AMMECR1: variants seen among roughly 807,000 people sequenced by gnomAD.
AMMECR1 encodes AMMECR nuclear protein 1.
AMMECR1 carries 3 observed loss-of-function variants against 22.5 expected under a neutral mutation model. That is an observed-to-expected ratio of 0.13 (90% CI 0.06 to 0.35). The LOEUF (loss-of-function observed/expected upper bound fraction) is 0.35. AMMECR1 is among the 10% of genes least tolerant of loss of function. The pLI, the probability that AMMECR1 is intolerant of heterozygous loss-of-function variation, is 1.00. For missense variants in AMMECR1, 235 were observed against 278.7 expected, an observed-to-expected ratio of 0.84 and a Z score of 1.12; for synonymous variants, 130 against 116.7, an observed-to-expected ratio of 1.11 and a Z score of -0.74.
Position 110,414,272 on chromosome X carries a change from C to T in AMMECR1, c.-148+12386G>A, listed in dbSNP as rs2068661758. On this transcript the variant is annotated intron_variant, in intron 2 of 7. Transcript: ENST00000372057. ...GGGCCCTCAACTCAGCTAAACAATC[C>T]TTCTAAGTAACTGTCCTGACAATAG... Among the ~76,000 whole-genome samples the T allele has an allele frequency of 6.2e-5, 7 of 112,359 alleles. No homozygotes were observed. The Admixed American group carries it at 6.6e-4, about 11-fold the overall frequency.
At chrX:110,420,307 C>G (rs2068707808) in intron 2 of AMMECR1, among the ~76,000 whole-genome samples, 1 of 112,304 alleles carries the variant, frequency 8.9e-6, no homozygotes, top group Non-Finnish European at 1.9e-5. Context: ...TCTGGAATAG[C>G]TAACCAAGGA....
intron 2 of AMMECR1, among the ~76,000 whole-genome samples, chrX:110,323,706 A>G (rs1395231799): frequency 8.9e-6 from 1 of 112,237 alleles, no homozygotes; most frequent in Admixed American, 9.4e-5. Context: ...ATAATGTTGC[A>G]AAGAAAATTG....
At chrX:110,401,769 C>G (rs1049890287) in intron 2 of AMMECR1, among the ~76,000 whole-genome samples, 3 of 112,149 alleles carry the variant, frequency 2.7e-5, no homozygotes, top group Non-Finnish European at 5.6e-5. Flanking sequence ...AGTGAGCCTT[C>G]GTTTCCTCCC....
At chrX:110,429,723 C>T (rs1482802321) in intron 1 of AMMECR1, among the ~76,000 whole-genome samples, 1 of 111,149 alleles carries the variant, frequency 9.0e-6, no homozygotes, top group Non-Finnish European at 1.9e-5. Context: ...CTCAAGTGTT[C>T]CACCTGTCTC....
Position 110,317,852 on chromosome X carries a change from G to T in AMMECR1, c.220C>A (p.Gln74Lys), listed in dbSNP as rs1453532929. The part of the protein sequence containing the change: ...SGSGCTLSPP[Q>K]GCGGGGGGIA... ...CCCCCGCCGCCGCCGCCGCAGCCCT[G>T]GGGGGGAGAGAGGGTACAGCCGCTG... The change falls in exon 1 of 6, where the codon CAG becomes AAG. Residue 74 changes from glutamine (Q) to lysine (K), a missense_variant. Coordinates refer to ENST00000262844, the MANE Select transcript of AMMECR1 (RefSeq NM_015365.3). 21 of 1,171,161 alleles carry T rather than the reference G, an allele frequency of 1.8e-5. No individual in the cohort carries two copies. The highest frequency in any genetic ancestry group is 6.3e-5 in the East Asian group (2 of 31,777).
At chrX:110,346,071 A>C (rs1372168693) in intron 2 of AMMECR1, among the ~76,000 whole-genome samples, 1 of 112,372 alleles carries the variant, frequency 8.9e-6, no homozygotes, top group Admixed American at 9.4e-5. Context: ...CCAACATTTT[A>C]TTCTTTAAAA....
At chrX:110,220,910 A>T (rs1435558507) in intron 2 of AMMECR1, among the ~76,000 whole-genome samples, 1 of 112,639 alleles carries the variant, frequency 8.9e-6, no homozygotes, top group Non-Finnish European at 1.9e-5. Context: ...AAGAAAAAAA[A>T]GTCGCTGAAA....
intron 1 of AMMECR1, among the ~76,000 whole-genome samples, chrX:110,301,400 G>A (rs2067966304): frequency 2.7e-5 from 3 of 112,505 alleles, no homozygotes; most frequent in South Asian, 3.6e-4. Flanking sequence ...ACCTCAGGCA[G>A]ATACAGTGCT....
chrX:110,374,515 A>G (rs1287914048), intron 2 of AMMECR1, among the ~76,000 whole-genome samples: 2 of 111,703 alleles, frequency 1.8e-5, no homozygotes, highest in Non-Finnish European at 3.8e-5. Context: ...CATAAGACCA[A>G]TTAAAATCCC....
chrX:110,405,157 G>A (rs910553208), intron 2 of AMMECR1, among the ~76,000 whole-genome samples: 1 of 105,982 alleles, frequency 9.4e-6, no homozygotes, highest in Admixed American at 1.1e-4. Flanking sequence ...TCTAAGAGGT[G>A]CTGTTGGGAT....
chrX:110,352,933 A>T (rs891624947), intron 2 of AMMECR1, among the ~76,000 whole-genome samples: 94 of 112,512 alleles, frequency 8.4e-4, no homozygotes, highest in African/African-American at 2.8e-3. Flanking sequence ...GCCACCATGA[A>T]GCTTACATTC....
At chrX:110,281,623 C>T (rs1045613124) in intron 1 of AMMECR1, among the ~76,000 whole-genome samples, 1 of 111,830 alleles carries the variant, frequency 8.9e-6, no homozygotes, top group South Asian at 3.7e-4. Flanking sequence ...CACAACCATA[C>T]AAGAAAGCAA....
intron 2 of AMMECR1, among the ~76,000 whole-genome samples, chrX:110,328,631 G>A (rs1246721231): frequency 4.8e-5 from 5 of 104,006 alleles, no homozygotes; most frequent in African/African-American, 1.8e-4. Flanking sequence ...CCCACCCCCT[G>A]ACAGGCCCCA....
rs537182699 is a variant in AMMECR1, at chrX:110,218,681, A to G, written c.585-2049T>C. Among the ~76,000 whole-genome samples the G allele has an allele frequency of 3.3e-4, 37 of 111,234 alleles. 1 individual carries two copies. The highest frequency in any genetic ancestry group is 1.0e-3 in the African/African-American group (32 of 30,742). ...CACATACCACAAAATTCACCCTTTT[A>G]AAGTATATAATTCAATGGCTTTTAG... On this transcript the variant is annotated intron_variant, in intron 2 of 5. Transcript: ENST00000262844.
At chrX:110,312,089 T>C (rs1364861166) in intron 1 of AMMECR1, among the ~76,000 whole-genome samples, 1 of 112,706 alleles carries the variant, frequency 8.9e-6, no homozygotes, top group African/African-American at 3.2e-5. Context: ...GAGCCAAGCA[T>C]GTGTGACATC....
At chrX:110,435,704 C>A (rs1276627205) in intron 1 of AMMECR1, among the ~76,000 whole-genome samples, 1 of 111,929 alleles carries the variant, frequency 8.9e-6, no homozygotes, top group Non-Finnish European at 1.9e-5. Context: ...ACTGATTTCT[C>A]TGTTAAATCC....
At chrX:110,300,441 C>T (rs897373313) in intron 1 of AMMECR1, among the ~76,000 whole-genome samples, 2 of 112,055 alleles carry the variant, frequency 1.8e-5, no homozygotes, top group Non-Finnish European at 3.8e-5. Context: ...CTGTGGAAAT[C>T]GGTTTTCTAT....
intron 1 of AMMECR1, among the ~76,000 whole-genome samples, chrX:110,293,960 A>AG (rs2067921716): frequency 2.7e-5 from 3 of 111,605 alleles, no homozygotes; most frequent in African/African-American, 9.8e-5. Flanking sequence ...CTCTCTTACT[A>AG]GAGTATAAAC....
At chrX:110,321,986 G>A (rs972987157), upstream of AMMECR1, among the ~76,000 whole-genome samples, 3 of 112,148 alleles carry the variant, frequency 2.7e-5, no homozygotes, top group East Asian at 2.8e-4. Context: ...ATTCAAATTC[G>A]TAAATCAGTT....
Sources: allele counts gnomAD v4.1 joint callset (sites outside exome capture counted in the v4.1 genomes callset), GRCh38; gene constraint gnomAD v4.1.1; transcripts MANE v1.5; gene names NCBI Gene and HGNC (gene_info 2026-07-23, HGNC 2026-07-21).